The following FRMD6 variants were observed in gnomAD, a reference collection of about 807,000 sequenced individuals.
FRMD6 encodes FERM domain-containing protein 6.
In FRMD6, 37 loss-of-function variants were observed where a neutral mutation model predicts 73.2. The ratio of observed to expected loss-of-function variants is 0.51; its 90% CI spans 0.39 to 0.66. The LOEUF (loss-of-function observed/expected upper bound fraction) is 0.66, where lower values mean the gene tolerates loss of function less well. Among genes scored for constraint, FRMD6 ranks in the 30% least tolerant of loss-of-function variants. FRMD6 has a pLI of 0.00. For missense variants in FRMD6, 714 were observed against 780.5 expected (o/e 0.91, Z 1.02); for synonymous variants, 273 against 282.2 (o/e 0.97, Z 0.33).
chr14:51,403,938 G>A, the FRMD6 span, among the ~76,000 whole-genome samples: 44 of 152,188 alleles, frequency 2.9e-4, no homozygotes, highest in African/African-American at 1.0e-3. Context: ...GAGAGAAGAT[G>A]TGAACTTACA....
the FRMD6 span, among the ~76,000 whole-genome samples, chr14:51,409,625 G>A: frequency 2.3e-3 from 356 of 152,056 alleles, 3 homozygotes; most frequent in African/African-American, 6.4e-3. Context: ...TTGACACAGC[G>A]TCTCACTCTA....
chr14:51,436,885 A>C, the FRMD6 span: 1 of 898,926 alleles, frequency 1.1e-6, no homozygotes. Flanking sequence ...TTGATGAAGA[A>C]GGGGATGAGG....
intron 2 of FRMD6, among the ~76,000 whole-genome samples, chr14:51,694,319 T>C (rs1895801947): frequency 6.6e-6 from 1 of 152,180 alleles, no homozygotes; most frequent in Non-Finnish European, 1.5e-5. Context: ...AATTCTTTTT[T>C]TCTAGAGTAT....
chr14:51,588,406 T>A (rs955149715), intron 2 of FRMD6, among the ~76,000 whole-genome samples: 2 of 152,192 alleles, frequency 1.3e-5, no homozygotes. Flanking sequence ...TTTTATTACA[T>A]CCTAACAAAA....
chr14:51,596,323 A>G (rs955016059), intron 2 of FRMD6, among the ~76,000 whole-genome samples: 1 of 151,994 alleles, frequency 6.6e-6, no homozygotes, highest in African/African-American at 2.4e-5. Context: ...ACGTAGCCAG[A>G]ATCAAGCACC....
the FRMD6 span, among the ~76,000 whole-genome samples, chr14:51,461,242 T>G: frequency 5.9e-5 from 9 of 152,234 alleles, no homozygotes; most frequent in Non-Finnish European, 1.0e-4. Context: ...TGCAGTTTAA[T>G]TTTTGCTCTT....
the FRMD6 span, chr14:51,436,942 G>A: frequency 2.0e-6 from 2 of 1,005,180 alleles, no homozygotes; most frequent in Non-Finnish European, 2.9e-6. Context: ...AGGGAGAGGA[G>A]GATGAAGGAG....
At chr14:51,412,321 G>A in the FRMD6 span, among the ~76,000 whole-genome samples, 3 of 152,112 alleles carry the variant, frequency 2.0e-5, no homozygotes, top group Admixed American at 6.5e-5. Context: ...ACTGTCATTC[G>A]AGAAAAATGA....
chr14:51,674,767 G>A (rs554271580), intron 1 of FRMD6, among the ~76,000 whole-genome samples: 2 of 152,136 alleles, frequency 1.3e-5, no homozygotes, highest in East Asian at 3.9e-4. Flanking sequence ...GATGATTACT[G>A]TGAGAAGGAA....
the FRMD6 span, among the ~76,000 whole-genome samples, chr14:51,418,179 C>A: frequency 1.2e-4 from 19 of 152,204 alleles, no homozygotes; most frequent in African/African-American, 4.6e-4. Flanking sequence ...CATTCTCCAT[C>A]CAGCTTTGTT....
intron 2 of FRMD6, 50 bp downstream of exon 2, chr14:51,689,985 G>A (rs1895431201): frequency 8.6e-7 from 1 of 1,162,670 alleles, no homozygotes; most frequent in East Asian, 2.4e-5. Flanking sequence ...TTTCACCAGT[G>A]GCCACATTCA....
intron 10 of FRMD6, among the ~76,000 whole-genome samples, chr14:51,716,653 A>G (rs1897258418): frequency 6.6e-6 from 1 of 152,256 alleles, no homozygotes. Context: ...CGATTAGAAC[A>G]TGAATCATTC....
At chr14:51,656,704 G>A (rs371317379) in intron 1 of FRMD6, among the ~76,000 whole-genome samples, 28 of 152,114 alleles carry the variant, frequency 1.8e-4, no homozygotes, top group Non-Finnish European at 7.4e-5. Context: ...GAGCCACCGC[G>A]CCCGGCTAGC....
intron 1 of FRMD6, among the ~76,000 whole-genome samples, chr14:51,541,172 A>G (rs11157831): frequency 0.093 from 14,148 of 152,132 alleles, 916 homozygotes; most frequent in East Asian, 0.24. Flanking sequence ...ATTGCCTGGG[A>G]CAAAATAGAG....
At chr14:51,652,250 T>C (rs8010756) in intron 1 of FRMD6, 25,269 of 152,152 alleles carry the variant, frequency 0.17, 2,342 homozygotes, top group Non-Finnish European at 0.21. Context: ...CGGAGGTCGC[T>C]CACTCTGGGA....
At chr14:51,600,280 T>C (rs950742371) in intron 2 of FRMD6, among the ~76,000 whole-genome samples, 7 of 152,178 alleles carry the variant, frequency 4.6e-5, no homozygotes, top group Non-Finnish European at 7.4e-5. Flanking sequence ...TTAATTTTTT[T>C]CCCTTCATTG....
chr14:51,587,112 T>C (rs1253724803), intron 2 of FRMD6, among the ~76,000 whole-genome samples: 1 of 152,194 alleles, frequency 6.6e-6, no homozygotes, highest in Non-Finnish European at 1.5e-5. Flanking sequence ...CTTCTGCATG[T>C]GGCTATGCAA....
chr14:51,532,368 C>CAAA (rs35803305), intron 1 of FRMD6, among the ~76,000 whole-genome samples: 3 of 117,854 alleles, frequency 2.5e-5, no homozygotes, highest in Non-Finnish European at 5.7e-5. Context: ...GACTCCATCT[C>CAAA]AAAAAAAAAA....
intron 1 of FRMD6, among the ~76,000 whole-genome samples, chr14:51,499,173 T>C (rs1382531970): frequency 6.6e-6 from 1 of 152,224 alleles, no homozygotes; most frequent in Non-Finnish European, 1.5e-5. Context: ...CACATGTTTC[T>C]TGATGCTCCT....
Sources: gnomAD v4.1 joint callset for allele counts (sites outside exome capture counted in the v4.1 genomes callset) on GRCh38, gnomAD v4.1.1 for gene constraint, MANE v1.5 for transcripts, NCBI Gene and HGNC (gene_info 2026-07-23, HGNC 2026-07-21) for gene names.